The following MBD5 variants were observed in gnomAD, a reference collection of about 807,000 sequenced individuals.
The protein encoded by MBD5 is methyl-CpG-binding domain protein 5.
MBD5 carries 13 observed loss-of-function variants against 117.3 expected under a neutral mutation model. The observed-to-expected ratio is 0.11, with a 90% CI of 0.07 to 0.18. The LOEUF (loss-of-function observed/expected upper bound fraction) is 0.18. MBD5 is among the 10% of genes least tolerant of loss of function. MBD5 has a pLI of 1.00. For missense variants in MBD5, 1,879 were observed against 2,093.8 expected, an observed-to-expected ratio of 0.90 and a Z score of 2.00; for synonymous variants, 727 against 766.4, an observed-to-expected ratio of 0.95 and a Z score of 0.85.
chr2:148,356,227 T>C (rs929814592), intron 4 of MBD5, among the ~76,000 whole-genome samples: 4 of 152,134 alleles, frequency 2.6e-5, no homozygotes, highest in South Asian at 2.1e-4. Context: ...TTCACTGAGA[T>C]GACAATTTAA....
chr2:148,362,394 C>A (rs1703567107), intron 4 of MBD5, among the ~76,000 whole-genome samples: 2 of 152,202 alleles, frequency 1.3e-5, no homozygotes, highest in Non-Finnish European at 2.9e-5. Context: ...GCGGAGATCA[C>A]TGCAGCTCAG....
intron 4 of MBD5, among the ~76,000 whole-genome samples, chr2:148,394,082 T>C (rs1438507278): frequency 1.3e-5 from 2 of 152,194 alleles, no homozygotes; most frequent in African/African-American, 4.8e-5. Flanking sequence ...AGCAAATGCA[T>C]TTTTGCACCC....
chr2:148,066,287 G>C (rs1402354957), intron 1 of MBD5, among the ~76,000 whole-genome samples: 1 of 152,050 alleles, frequency 6.6e-6, no homozygotes, highest in East Asian at 1.9e-4. Context: ...AATCCAGCCT[G>C]GGTGACAAAG....
At chr2:148,396,788 TG>T (rs1324998090) in intron 4 of MBD5, among the ~76,000 whole-genome samples, 1 of 152,226 alleles carries the variant, frequency 6.6e-6, no homozygotes, top group Admixed American at 6.5e-5. Context: ...ATCCATTTAC[TG>T]AAGGGCACAA....
rs1693733058 is a variant in MBD5 at position 148,021,577 on chromosome 2, TCTC to T, written c.-1020_-1018del. 121 of 523,500 alleles carry T rather than the reference TCTC, an allele frequency of 2.3e-4. No homozygotes were observed. Among genetic ancestry groups the T allele is most frequent in the Middle Eastern group, 5.4e-4 (1 of 1,846 alleles). 32.4% of individuals were successfully genotyped at this position (523,500 alleles called of 1,614,324 possible). On this transcript the variant is annotated 5_prime_UTR_variant, in exon 1 of 14. Coordinates refer to ENST00000642680, the MANE Select transcript of MBD5 (RefSeq NM_001378120.1). ...ACCCAGGAGCAGCCACTTCCCCAGC[TCTC>T]CTCCTCCTCCTTCGCCTCCTCCTCC... is the stretch of plus-strand genomic sequence containing the variant.
chr2:148,124,310 C>A lies in MBD5; in HGVS notation c.-924-54390C>A, dbSNP rs373530933. Among the ~76,000 whole-genome samples the A allele has an allele frequency of 5.1e-3, 767 of 150,928 alleles. 2 individuals are homozygous for A. Among genetic ancestry groups the A allele is most frequent in the Middle Eastern group, 0.021 (6 of 290 alleles). ...AAACAACCAAACAAACACACACACACACAAAAAACAAGAAAACCCTGAAGG... is the reference window on the plus strand; with the variant it reads ...AAACAACCAAACAAACACACACACAAACAAAAAACAAGAAAACCCTGAAGG... On this transcript the variant is annotated intron_variant, in intron 1 of 13. Coordinates refer to ENST00000642680, the MANE Select transcript of MBD5 (RefSeq NM_001378120.1).
intron 1 of MBD5, among the ~76,000 whole-genome samples, chr2:148,122,551 GA>G (rs1293062410): frequency 6.6e-6 from 1 of 152,130 alleles, no homozygotes; most frequent in Non-Finnish European, 1.5e-5. Flanking sequence ...TTAAAAATTT[GA>G]TATTTGAAGA....
intron 3 of MBD5, among the ~76,000 whole-genome samples, chr2:148,339,938 C>G (rs896034401): frequency 6.6e-6 from 1 of 152,000 alleles, no homozygotes; most frequent in Admixed American, 6.6e-5. Context: ...TTCCCAGAGG[C>G]TGTATAATTT....
In MBD5 at chr2:148,084,478, A is replaced by G. The variant is rs144986565; in HGVS notation, c.-925+62794A>G. ...TCAGTACAGTGTTTATTGATTTCCA[A>G]GTCATTATTTCAATATAGATTTTTC... On this transcript the variant is annotated intron_variant, in intron 1 of 13. Coordinates refer to ENST00000642680, the MANE Select transcript of MBD5 (RefSeq NM_001378120.1). Among the ~76,000 whole-genome samples the G allele has an allele frequency of 1.1e-3, 166 of 152,302 alleles. 8 individuals carry two copies. In the East Asian group the frequency reaches 0.031, roughly 29 times the overall value.
intron 4 of MBD5, among the ~76,000 whole-genome samples, chr2:148,432,406 A>G (rs907436621): frequency 2.0e-5 from 3 of 151,952 alleles, no homozygotes; most frequent in African/African-American, 7.2e-5. Flanking sequence ...TTTTTGTTGC[A>G]GTGGCTTCTG....
At chr2:148,247,869 G>A (rs950993539) in intron 3 of MBD5, among the ~76,000 whole-genome samples, 2 of 152,210 alleles carry the variant, frequency 1.3e-5, no homozygotes, top group Admixed American at 1.3e-4. Context: ...TGTCTTGGTA[G>A]TATGGTGAAG....
chr2:148,043,586 C>A (rs1490589418), intron 1 of MBD5, among the ~76,000 whole-genome samples: 2 of 152,156 alleles, frequency 1.3e-5, no homozygotes, highest in African/African-American at 4.8e-5. Context: ...AATCACTGCT[C>A]TAGAGCTTTA....
intron 2 of MBD5, among the ~76,000 whole-genome samples, chr2:148,189,437 G>A (rs1017721185): frequency 3.4e-5 from 5 of 147,824 alleles, no homozygotes; most frequent in African/African-American, 1.0e-4. Flanking sequence ...TCCTCAAGTG[G>A]GTCCCTGACC....
chr2:148,507,930 T>C (rs889175640), intron 12 of MBD5, among the ~76,000 whole-genome samples: 11 of 152,286 alleles, frequency 7.2e-5, no homozygotes, highest in Non-Finnish European at 1.5e-4. Flanking sequence ...TTTAAACTCC[T>C]AAGATATTTT....
intron 1 of MBD5, among the ~76,000 whole-genome samples, chr2:148,085,220 G>C (rs564907354): frequency 6.6e-6 from 1 of 152,266 alleles, no homozygotes; most frequent in Non-Finnish European, 1.5e-5. Context: ...ATAAAGCAAG[G>C]TTCCCCACAT....
intron 3 of MBD5, among the ~76,000 whole-genome samples, chr2:148,290,685 A>T (rs765909782): frequency 6.6e-6 from 1 of 152,134 alleles, no homozygotes; most frequent in Non-Finnish European, 1.5e-5. Flanking sequence ...TGTAGCGTGT[A>T]TCAGTAATTT....
intron 4 of MBD5, among the ~76,000 whole-genome samples, chr2:148,356,687 A>G (rs1181709018): frequency 6.6e-6 from 1 of 151,978 alleles, no homozygotes; most frequent in Non-Finnish European, 1.5e-5. Context: ...TTTTTCTTGT[A>G]TCATTTTTCT....
chr2:148,220,917 C>T (rs1164961760), intron 2 of MBD5, among the ~76,000 whole-genome samples: 4 of 152,040 alleles, frequency 2.6e-5, no homozygotes, highest in African/African-American at 4.8e-5. Flanking sequence ...ACCATCCCCA[C>T]GTATCCCCAA....
At chr2:148,337,489 A>G (rs567789201) in intron 3 of MBD5, among the ~76,000 whole-genome samples, 593 of 152,296 alleles carry the variant, frequency 3.9e-3, no homozygotes, top group Non-Finnish European at 6.6e-3. Flanking sequence ...AGTATGCATA[A>G]CCTGCTTCAT....
Sources: gnomAD v4.1 joint callset for allele counts (sites outside exome capture counted in the v4.1 genomes callset) on GRCh38, gnomAD v4.1.1 for gene constraint, MANE v1.5 for transcripts, NCBI Gene and HGNC (gene_info 2026-07-23, HGNC 2026-07-21) for gene names.